PCDHA2: variants seen among roughly 807,000 people sequenced by gnomAD.
PCDHA2 encodes protocadherin alpha-2.
In PCDHA2, 58 loss-of-function variants were observed where a neutral mutation model predicts 66.0. The observed-to-expected ratio is 0.88, with a 90% CI of 0.71 to 1.09. PCDHA2 has a LOEUF of 1.09. PCDHA2 is among the 50% of genes least tolerant of loss of function. The pLI is 0.00. For missense variants in PCDHA2, 1,267 were observed against 1,242.3 expected, an observed-to-expected ratio of 1.02 and a Z score of -0.30; for synonymous variants, 634 against 554.0, an observed-to-expected ratio of 1.14 and a Z score of -2.03.
At position 140,796,901 on chromosome 5, in the gene PCDHA2, G is replaced by C; in HGVS notation, c.1937G>C (p.Arg646Pro). ...ALDEADSPRHRLLVLVKDHGE... is the reference protein window; with the variant it reads ...ALDEADSPRHPLLVLVKDHGE... The stretch of plus-strand genomic sequence containing the variant: ...GACGAGGCTGACTCCCCTCGACACC[G>C]CCTACTCGTGCTGGTGAAGGACCAC... The change falls in exon 1 of 4, where the codon CGC becomes CCC. Residue 646 changes from arginine to proline, a missense_variant. Arg to Pro is a moderately radical substitution (Grantham distance 103, BLOSUM62 -2). Transcript: ENST00000526136. The C allele has an allele frequency of 3.1e-6, 5 of 1,613,894 alleles. No homozygotes were observed. The highest frequency in any genetic ancestry group is 4.2e-6 in the Non-Finnish European group (5 of 1,179,970).
chr5:140,996,587 C>T (rs1260417239), intron 3 of PCDHA2, among the ~76,000 whole-genome samples: 4 of 151,994 alleles, frequency 2.6e-5, no homozygotes, highest in South Asian at 2.1e-4. Context: ...TAACAAGGGC[C>T]GCCTCCCCCC....
At chr5:140,921,811 T>C (rs1484171257) in intron 1 of PCDHA2, among the ~76,000 whole-genome samples, 1 of 152,096 alleles carries the variant, frequency 6.6e-6, no homozygotes, top group Non-Finnish European at 1.5e-5. Context: ...ATAAGATACA[T>C]GTGTGAATAT....
intron 1 of PCDHA2, chr5:140,828,072 T>C (rs2150150600): frequency 1.3e-6 from 2 of 1,566,666 alleles, no homozygotes; most frequent in Non-Finnish European, 1.7e-6. Flanking sequence ...CTAATGGAAA[T>C]AAAACCAGAG....
intron 1 of PCDHA2, among the ~76,000 whole-genome samples, chr5:140,915,331 T>G (rs1485344164): frequency 6.6e-6 from 1 of 152,184 alleles, no homozygotes; most frequent in Non-Finnish European, 1.5e-5. Context: ...TGTTATAATA[T>G]TCTGTGTTTT....
At chr5:140,866,469 C>CG (rs2049380122) in intron 1 of PCDHA2, 2 of 152,080 alleles carry the variant, frequency 1.3e-5, no homozygotes, top group Non-Finnish European at 2.9e-5. Context: ...AAGCTCATAA[C>CG]AACTGACAAA....
chr5:140,978,544 A>G (rs2096808919), intron 1 of PCDHA2, among the ~76,000 whole-genome samples: 1 of 152,234 alleles, frequency 6.6e-6, no homozygotes, highest in Non-Finnish European at 1.5e-5. Context: ...TTGTGTAGCC[A>G]TGTGCCCTGT....
At position 140,801,845 on chromosome 5, in the gene PCDHA2, T is replaced by A. The variant is rs781833245; in HGVS notation, c.2388+4493T>A. The A allele has an allele frequency of 9.3e-6, 15 of 1,613,946 alleles. No homozygotes were observed. The Admixed American group carries it at 2.5e-4, about 27-fold the overall frequency. Reference sequence around the variant, plus strand: ...ATTATTTACTAATAACAGCAATTGATGGTGGGAAACCAGAGCTCACTGGCA... The same window carrying A: ...ATTATTTACTAATAACAGCAATTGAAGGTGGGAAACCAGAGCTCACTGGCA... On this transcript the variant is annotated intron_variant, in intron 1 of 3. Transcript: ENST00000526136.
At chr5:140,887,101 CTT>C (rs200717289) in intron 1 of PCDHA2, among the ~76,000 whole-genome samples, 4 of 145,262 alleles carry the variant, frequency 2.8e-5, no homozygotes, top group African/African-American at 5.0e-5. Flanking sequence ...ATCTTTATCT[CTT>C]TTTTTTTTTT....
chr5:140,872,346 G>A (rs2053606612), intron 1 of PCDHA2, among the ~76,000 whole-genome samples: 1 of 152,022 alleles, frequency 6.6e-6, no homozygotes, highest in Admixed American at 6.6e-5. Context: ...ACATGTTCTT[G>A]CCAGGCAAAG....
intron 1 of PCDHA2, chr5:140,856,832 C>A (rs2044230469): frequency 3.1e-6 from 5 of 1,590,918 alleles, no homozygotes; most frequent in Non-Finnish European, 4.3e-6. Context: ...ATTAGTAATA[C>A]GGCTCAACGC....
chr5:140,830,775 A>T, intron 1 of PCDHA2: 1 of 167,192 alleles, frequency 6.0e-6, no homozygotes. Context: ...TCATAGTAGC[A>T]TTTTTTTCTG....
chr5:140,912,851 A>C lies in PCDHA2; in HGVS notation c.2389-66098A>C, dbSNP rs564747882. ...TTTTATTAAATGCTTTTTCAGCATCAATTGAAATGATATATGGTTTTTGGT... is the reference window on the plus strand; with the variant it reads ...TTTTATTAAATGCTTTTTCAGCATCCATTGAAATGATATATGGTTTTTGGT... On this transcript the variant is annotated intron_variant, in intron 1 of 3. Coordinates refer to ENST00000526136, the MANE Select transcript of PCDHA2 (RefSeq NM_018905.3). Among the ~76,000 whole-genome samples, 3 of 152,328 alleles carry C rather than the reference A, an allele frequency of 2.0e-5. No individual in the cohort carries two copies. The South Asian group carries it at 6.2e-4, about 32-fold the overall frequency.
chr5:140,853,250 TTCTC>T (rs2042687770), intron 1 of PCDHA2: 1 of 976,068 alleles, frequency 1.0e-6, no homozygotes, highest in Non-Finnish European at 1.2e-6. Context: ...TTAATCTCTA[TTCTC>T]TCTCAGAGTA....
At chr5:140,965,703 G>T (rs1280783019) in intron 1 of PCDHA2, among the ~76,000 whole-genome samples, 1 of 152,178 alleles carries the variant, frequency 6.6e-6, no homozygotes, top group Non-Finnish European at 1.5e-5. Flanking sequence ...GAAAAAGCTT[G>T]AGAGAAGAAT....
intron 1 of PCDHA2, chr5:140,830,292 C>T (rs2150184584): frequency 1.2e-6 from 2 of 1,613,712 alleles, no homozygotes; most frequent in Non-Finnish European, 1.7e-6. Flanking sequence ...GCGTGCACGG[C>T]GGACAAGCCC....
At chr5:140,966,882 C>A (rs782464160) in intron 1 of PCDHA2, 1 of 1,589,690 alleles carries the variant, frequency 6.3e-7, no homozygotes, top group Non-Finnish European at 8.5e-7. Context: ...CTACCTGGCC[C>A]TGCGGCCTCC....
chr5:140,821,872 T>C, intron 1 of PCDHA2: 1 of 1,614,172 alleles, frequency 6.2e-7, no homozygotes, highest in South Asian at 1.1e-5. Context: ...GCTCCACTAC[T>C]CGATCCCGGA....
intron 3 of PCDHA2, among the ~76,000 whole-genome samples, chr5:141,002,682 G>T (rs536105955): frequency 6.6e-6 from 1 of 152,140 alleles, no homozygotes; most frequent in Non-Finnish European, 1.5e-5. Flanking sequence ...CCTATACGAC[G>T]TGCAGATTTG....
At chr5:140,996,752 GT>G (rs1406262736) in intron 3 of PCDHA2, among the ~76,000 whole-genome samples, 2 of 152,208 alleles carry the variant, frequency 1.3e-5, no homozygotes, top group East Asian at 3.9e-4. Flanking sequence ...AATTATATCT[GT>G]GCAGGACTAA....
Sources: gnomAD v4.1 joint callset for allele counts (sites outside exome capture counted in the v4.1 genomes callset) on GRCh38, gnomAD v4.1.1 for gene constraint, MANE v1.5 for transcripts, NCBI Gene and HGNC (gene_info 2026-07-23, HGNC 2026-07-21) for gene names.